PCDHGA8: variants seen among roughly 807,000 people sequenced by gnomAD.
PCDHGA8 encodes the protein protocadherin gamma subfamily A, 8, also known as protocadherin gamma-A8.
Under a neutral mutation model 59.2 loss-of-function variants are expected in PCDHGA8, and 45 were observed. That is an observed-to-expected ratio of 0.76 (90% confidence interval 0.60 to 0.98). The LOEUF (loss-of-function observed/expected upper bound fraction) is 0.98. PCDHGA8 is among the 50% of genes least tolerant of loss of function. The pLI, the probability that PCDHGA8 is intolerant of heterozygous loss-of-function variation, is 0.00. For synonymous variants in PCDHGA8, 531 were observed against 519.0 expected (o/e 1.02, Z -0.32); for missense variants, 1,257 against 1,196.2 (o/e 1.05, Z -0.75).
Position 141,400,134 on chromosome 5 carries a change from G to A in PCDHGA8, c.2424+4897G>A, listed in dbSNP as rs373375631. The A allele has an allele frequency of 6.8e-6, 11 of 1,613,954 alleles. No homozygotes were observed. In the African/African-American group the frequency reaches 9.3e-5, roughly 14 times the overall value. Reference sequence around the variant, plus strand: ...CTGACAGCTTGCAGGAGGTGCTGCCGGATATCACTGACCGCCCTGTACCCT... The same window carrying A: ...CTGACAGCTTGCAGGAGGTGCTGCCAGATATCACTGACCGCCCTGTACCCT... On this transcript the variant is annotated intron_variant, in intron 1 of 3. Coordinates refer to ENST00000398604, the MANE Select transcript of PCDHGA8 (RefSeq NM_032088.2).
At chr5:141,441,764 C>T (rs1407504024) in intron 1 of PCDHGA8, 1 of 384,478 alleles carries the variant, frequency 2.6e-6, no homozygotes, top group South Asian at 2.1e-5. Context: ...TGAGCCTGCG[C>T]GTGTTGGTGG....
At position 141,505,495 on chromosome 5, in the gene PCDHGA8, G is replaced by A. The variant is rs767547572; in HGVS notation, c.2572+14G>A. On this transcript the variant is annotated intron_variant, in intron 3 of 3. Transcript: ENST00000398604. ...CGTCCGCCAGTGGTAAGTGGTGTCA[G>A]TGTGTGTATGGAAGAGTGGGAGACC... The A allele has an allele frequency of 7.9e-5, 128 of 1,614,092 alleles. No homozygotes were observed. Among genetic ancestry groups the A allele is most frequent in the Non-Finnish European group, 1.0e-4 (123 of 1,180,008 alleles).
intron 1 of PCDHGA8, chr5:141,478,046 C>A (rs762982394): frequency 3.7e-6 from 6 of 1,614,172 alleles, no homozygotes; most frequent in Non-Finnish European, 5.1e-6. Flanking sequence ...CAGGCAGACT[C>A]TCACGGTCTT....
chr5:141,489,983 G>T lies in PCDHGA8; in HGVS notation c.2425-4824G>T. ...CCAACCTTCCAATCCTCAGTTCTACGTGTGGGAATCCCAGAGAATGCACCC... is the reference window on the plus strand; with the variant it reads ...CCAACCTTCCAATCCTCAGTTCTACTTGTGGGAATCCCAGAGAATGCACCC... On this transcript the variant is annotated intron_variant, in intron 1 of 3. Coordinates refer to ENST00000398604, the MANE Select transcript of PCDHGA8 (RefSeq NM_032088.2). The surrounding 1 kb of genome is among the most constrained non-coding windows in gnomAD (Gnocchi z 4.5). The T allele has an allele frequency of 6.2e-7, 1 of 1,614,172 alleles. No homozygotes were observed. Among genetic ancestry groups the T allele is most frequent in the Non-Finnish European group, 8.5e-7 (1 of 1,179,996 alleles).
chr5:141,430,997 C>G, intron 1 of PCDHGA8: 1 of 1,613,926 alleles, frequency 6.2e-7, no homozygotes. Context: ...CCTGAATCCG[C>G]GCAGCGGCAG....
intron 1 of PCDHGA8, chr5:141,421,633 G>C (rs1369645749): frequency 1.9e-6 from 3 of 1,613,716 alleles, no homozygotes; most frequent in Non-Finnish European, 2.5e-6. Context: ...CAGCTTCCAG[G>C]AGGACGAAGT....
chr5:141,508,919 C>T (rs1166086266), intron 3 of PCDHGA8, among the ~76,000 whole-genome samples: 1 of 151,996 alleles, frequency 6.6e-6, no homozygotes, highest in Non-Finnish European at 1.5e-5. Context: ...GATCTGGCTT[C>T]CTTTTGGAGT....
chr5:141,421,231 G>T (rs1368484504), intron 1 of PCDHGA8: 1 of 1,590,694 alleles, frequency 6.3e-7, no homozygotes, highest in South Asian at 1.1e-5. Context: ...GCCTGCCATG[G>T]CGAATCGGCT....
At chr5:141,419,741 A>G (rs769795920) in intron 1 of PCDHGA8, 1 of 1,613,856 alleles carries the variant, frequency 6.2e-7, no homozygotes. Context: ...CGAGGTGCGC[A>G]TGGTGCGTGC....
At chr5:141,460,368 G>A (rs1005554535) in intron 1 of PCDHGA8, among the ~76,000 whole-genome samples, 1 of 152,050 alleles carries the variant, frequency 6.6e-6, no homozygotes. Context: ...AAGTTTTATA[G>A]TTTTACCATT....
intron 1 of PCDHGA8, chr5:141,403,656 C>G: frequency 6.2e-7 from 1 of 1,613,894 alleles, no homozygotes. Flanking sequence ...GTGTTGGATA[C>G]AAATGATAAT....
chr5:141,440,373 G>A (rs866892003), intron 1 of PCDHGA8: 2 of 152,214 alleles, frequency 1.3e-5, no homozygotes, highest in Non-Finnish European at 2.9e-5. Context: ...GGCCGAGGCA[G>A]GAGAATCGCT....
chr5:141,472,623 TAA>T (rs2099291037), intron 1 of PCDHGA8, among the ~76,000 whole-genome samples: 1 of 152,018 alleles, frequency 6.6e-6, no homozygotes, highest in Non-Finnish European at 1.5e-5. Context: ...AGAAAAAAGA[TAA>T]AGACTGGGAA....
rs1173771781 is a variant in PCDHGA8 at position 141,486,312 on chromosome 5, G to A, written c.2425-8495G>A. Reference sequence around the variant, plus strand: ...ATCAGTGTGCAGGATCCAGACTCAGGGTCAAACGGAGATGTGAGCCTCCGC... The same window carrying A: ...ATCAGTGTGCAGGATCCAGACTCAGAGTCAAACGGAGATGTGAGCCTCCGC... On this transcript the variant is annotated intron_variant, in intron 1 of 3. Coordinates refer to ENST00000398604, the MANE Select transcript of PCDHGA8 (RefSeq NM_032088.2). The surrounding 1 kb of genome is among the most constrained non-coding windows in gnomAD (Gnocchi z 5.0). The A allele has an allele frequency of 1.2e-6, 2 of 1,613,864 alleles. No individual in the cohort carries two copies. Among genetic ancestry groups the A allele is most frequent in the African/African-American group, 1.3e-5 (1 of 74,842 alleles).
intron 1 of PCDHGA8, chr5:141,413,841 T>A: frequency 6.2e-7 from 1 of 1,613,060 alleles, no homozygotes; most frequent in Non-Finnish European, 8.5e-7. Flanking sequence ...CCGACGGGGG[T>A]GACCCTCTCC....
At chr5:141,403,227 G>A (rs2094378929) in intron 1 of PCDHGA8, 4 of 1,608,848 alleles carry the variant, frequency 2.5e-6, no homozygotes, top group African/African-American at 1.3e-5. Flanking sequence ...AGGATAGACC[G>A]GGAGGAGCTC....
At position 141,476,518 on chromosome 5, in the gene PCDHGA8, T is replaced by C; in HGVS notation, c.2425-18289T>C. 1 of 1,614,214 alleles carries C rather than the reference T, an allele frequency of 6.2e-7. No individual in the cohort carries two copies. Among genetic ancestry groups the C allele is most frequent in the Non-Finnish European group, 8.5e-7 (1 of 1,180,038 alleles). ...AGGACATCAACGACAACAATCCTGC[T>C]TTCCCTACCCAGGAAATGAAATTGG... is the stretch of plus-strand genomic sequence containing the variant. On this transcript the variant is annotated intron_variant, in intron 1 of 3. Transcript: ENST00000398604. This position sits in a 1 kb window ranked among gnomAD's most constrained non-coding sequence, Gnocchi z 7.6.
At chr5:141,438,018 G>A (rs959672278) in intron 1 of PCDHGA8, among the ~76,000 whole-genome samples, 1 of 152,082 alleles carries the variant, frequency 6.6e-6, no homozygotes, top group African/African-American at 2.4e-5. Context: ...TGAGATTACA[G>A]GTGTGAGCCA....
chr5:141,480,390 T>C (rs753766736), intron 1 of PCDHGA8, among the ~76,000 whole-genome samples: 14 of 151,350 alleles, frequency 9.3e-5, no homozygotes, highest in Non-Finnish European at 1.9e-4. Flanking sequence ...ACTTCAACCA[T>C]GGCAATAGAG....
Sources: gnomAD v4.1 joint callset for allele counts (sites outside exome capture counted in the v4.1 genomes callset) on GRCh38, gnomAD v4.1.1 for gene constraint, Gnocchi (gnomAD v3.1) non-coding constraint, MANE v1.5 for transcripts, NCBI Gene and HGNC (gene_info 2026-07-23, HGNC 2026-07-21) for gene names.